Variants in SUMF1 observed in about 807,000 individuals in gnomAD.
SUMF1 encodes the protein sulfatase modifying factor 1, also known as formylglycine-generating enzyme.
SUMF1 carries 48 observed loss-of-function variants against 47.6 expected under a neutral mutation model. The observed-to-expected ratio is 1.01, with a 90% CI of 0.80 to 1.28. SUMF1 has a LOEUF of 1.28. SUMF1 is among the 50% of genes most tolerant of loss of function. SUMF1 has a pLI of 0.00. For missense variants in SUMF1, 571 were observed against 485.4 expected, an observed-to-expected ratio of 1.18 and a Z score of -1.66; for synonymous variants, 230 against 192.1, an observed-to-expected ratio of 1.20 and a Z score of -1.63.
At position 4,449,306 on chromosome 3, in the gene SUMF1, C is replaced by G. The variant is rs775245843; in HGVS notation, c.479G>C (p.Gly160Ala). ...EKFGDSFVFE[G>A]MLSEQVKTNI... ...GGTCTTCACTTGCTCACTCAACATGCCTTCAAAGACAAAGGAGTCGCCAAA... is the reference window on the plus strand; with the variant it reads ...GGTCTTCACTTGCTCACTCAACATGGCTTCAAAGACAAAGGAGTCGCCAAA... Residue 160 changes from glycine to alanine, a missense_variant, in exon 3 of 9, where the codon GGC becomes GCC. By Grantham distance (60) the Gly-to-Ala change is moderately conservative. Transcript: ENST00000272902. 8 of 1,614,006 alleles carry G rather than the reference C, an allele frequency of 5.0e-6. No homozygotes were observed. In the African/African-American group the frequency reaches 6.7e-5, roughly 13 times the overall value.
At chr3:4,288,802 T>C (rs1028897675) in intron 8 of SUMF1, among the ~76,000 whole-genome samples, 1 of 97,692 alleles carries the variant, frequency 1.0e-5, no homozygotes, top group African/African-American at 4.6e-5. Flanking sequence ...AGACTCTGTC[T>C]AGAAAAAAAA....
At chr3:4,239,840 T>C (rs1462747890) in intron 8 of SUMF1, among the ~76,000 whole-genome samples, 2 of 152,194 alleles carry the variant, frequency 1.3e-5, no homozygotes, top group Non-Finnish European at 2.9e-5. Context: ...GGCATCCTTG[T>C]CTTATGCTGG....
At chr3:4,203,996 C>T (rs1553608720) in intron 8 of SUMF1, among the ~76,000 whole-genome samples, 1 of 151,988 alleles carries the variant, frequency 6.6e-6, no homozygotes, top group Non-Finnish European at 1.5e-5. Context: ...TCTTACTACT[C>T]AAGACATAAG....
At chr3:4,235,093 GT>G (rs1696379858) in intron 8 of SUMF1, among the ~76,000 whole-genome samples, 1 of 152,142 alleles carries the variant, frequency 6.6e-6, no homozygotes, top group African/African-American at 2.4e-5. Flanking sequence ...AACAGCTGCA[GT>G]AACCTAGCTG....
intron 8 of SUMF1, among the ~76,000 whole-genome samples, chr3:4,130,779 G>C (rs991880829): frequency 6.6e-6 from 1 of 152,090 alleles, no homozygotes; most frequent in African/African-American, 2.4e-5. Context: ...TCCTCAATTA[G>C]GTGTATCACT....
At chr3:4,320,600 A>G (rs916727745) in intron 8 of SUMF1, among the ~76,000 whole-genome samples, 1 of 152,192 alleles carries the variant, frequency 6.6e-6, no homozygotes, top group Non-Finnish European at 1.5e-5. Context: ...GAGGAACTGC[A>G]TGGTGAACAA....
chr3:4,186,415 C>A (rs1237228261), intron 8 of SUMF1, among the ~76,000 whole-genome samples: 1 of 152,118 alleles, frequency 6.6e-6, no homozygotes, highest in Non-Finnish European at 1.5e-5. Context: ...AGACATAACC[C>A]ATACAGTGGC....
At chr3:4,447,730 A>G (rs947494323) in intron 3 of SUMF1, among the ~76,000 whole-genome samples, 1 of 152,206 alleles carries the variant, frequency 6.6e-6, no homozygotes, top group African/African-American at 2.4e-5. Context: ...CTTTTCCATT[A>G]TCAGCAGTTA....
intron 8 of SUMF1, among the ~76,000 whole-genome samples, chr3:4,124,576 T>G (rs1194675270): frequency 6.6e-6 from 1 of 151,476 alleles, no homozygotes; most frequent in Non-Finnish European, 1.5e-5. Context: ...AAATCATATA[T>G]ATTTTAATTG....
chr3:4,237,307 T>C (rs546894372), intron 8 of SUMF1, among the ~76,000 whole-genome samples: 3 of 152,266 alleles, frequency 2.0e-5, no homozygotes, highest in African/African-American at 7.2e-5. Context: ...GTCAGTGTTT[T>C]GGATTTTTAC....
At chr3:4,376,723 C>CA (rs1344701812) in intron 7 of SUMF1, among the ~76,000 whole-genome samples, 3 of 152,228 alleles carry the variant, frequency 2.0e-5, no homozygotes, top group Non-Finnish European at 4.4e-5. Flanking sequence ...TGTCATGATG[C>CA]AAATTTATCC....
intron 8 of SUMF1, among the ~76,000 whole-genome samples, chr3:4,160,360 C>A (rs935849425): frequency 2.6e-5 from 4 of 152,094 alleles, no homozygotes; most frequent in African/African-American, 9.7e-5. Flanking sequence ...CTGCCTCAGC[C>A]TCCCAAGTAG....
chr3:4,233,348 A>T (rs1696342207), intron 8 of SUMF1, among the ~76,000 whole-genome samples: 2 of 152,114 alleles, frequency 1.3e-5, no homozygotes, highest in African/African-American at 2.4e-5. Context: ...TATAGCAATA[A>T]CATTTCTTGT....
At chr3:4,346,897 AT>A (rs747061750) in intron 8 of SUMF1, among the ~76,000 whole-genome samples, 23 of 152,224 alleles carry the variant, frequency 1.5e-4, no homozygotes, top group Non-Finnish European at 7.3e-5. Flanking sequence ...AGAGAATACT[AT>A]AAACACCTCT....
At position 4,151,419 on chromosome 3, in the gene SUMF1, ATGTG is replaced by A. The variant is rs1399959311; in HGVS notation, c.1015-82678_1015-82675del. Among the ~76,000 whole-genome samples, 2 of 95,588 alleles carry A rather than the reference ATGTG, an allele frequency of 2.1e-5. 1 individual carries two copies. Among genetic ancestry groups the A allele is most frequent in the African/African-American group, 9.2e-5 (2 of 21,668 alleles). 62.7% of individuals were successfully genotyped at this position (95,588 alleles called of 152,430 possible). ...TATATGTATATGTATATATGTATAT[ATGTG>A]TATACATGTGTATATATGTATATAT... is the stretch of plus-strand genomic sequence containing the variant. On this transcript the variant is annotated intron_variant and NMD_transcript_variant, in intron 8 of 12. Coordinates refer to the SUMF1 transcript ENST00000448413.
At chr3:4,281,820 G>C (rs545512660) in intron 8 of SUMF1, among the ~76,000 whole-genome samples, 1 of 152,012 alleles carries the variant, frequency 6.6e-6, no homozygotes, top group African/African-American at 2.4e-5. Context: ...AGAAAAGTGG[G>C]AACAGGAGTG....
chr3:4,251,336 T>A (rs534142473), intron 8 of SUMF1, among the ~76,000 whole-genome samples: 6 of 152,338 alleles, frequency 3.9e-5, no homozygotes, highest in African/African-American at 1.4e-4. Context: ...TTGCTTCTTA[T>A]GGATGAGTGA....
chr3:4,307,223 T>A (rs1698223371), intron 8 of SUMF1, among the ~76,000 whole-genome samples: 1 of 152,222 alleles, frequency 6.6e-6, no homozygotes, highest in Non-Finnish European at 1.5e-5. Context: ...GGGTCTTCAG[T>A]ACGGAATGTG....
At chr3:4,358,042 A>G (rs1300844944), downstream of SUMF1, among the ~76,000 whole-genome samples, 3 of 152,250 alleles carry the variant, frequency 2.0e-5, no homozygotes, top group South Asian at 4.1e-4. Flanking sequence ...ATTGACACAG[A>G]TCTGTACTGC....
Sources: allele counts gnomAD v4.1 joint callset (sites outside exome capture counted in the v4.1 genomes callset), GRCh38; gene constraint gnomAD v4.1.1; transcripts MANE v1.5; gene names NCBI Gene and HGNC (gene_info 2026-07-23, HGNC 2026-07-21).